The following GABRB1 variants were observed in gnomAD, a reference collection of about 807,000 sequenced individuals.
GABRB1 encodes the protein gamma-aminobutyric acid receptor subunit beta-1.
GABRB1 carries 17 observed loss-of-function variants against 51.6 expected under a neutral mutation model. The ratio of observed to expected loss-of-function variants is 0.33; its 90% confidence interval spans 0.23 to 0.49. GABRB1 has a LOEUF of 0.49. GABRB1 is among the 20% of genes least tolerant of loss of function. The pLI, the probability that GABRB1 is intolerant of heterozygous loss-of-function variation, is 0.99. For synonymous variants in GABRB1, 247 were observed against 218.9 expected (o/e 1.13, Z -1.14); for missense variants, 410 against 600.6 (o/e 0.68, Z 3.32).
intron 4 of GABRB1, among the ~76,000 whole-genome samples, chr4:47,205,547 T>C (rs1720080802): frequency 6.6e-6 from 1 of 152,188 alleles, no homozygotes; most frequent in South Asian, 2.1e-4. Flanking sequence ...TTTATGTGAC[T>C]GTATGTTCTG....
chr4:47,134,930 A>G (rs1262416761), intron 3 of GABRB1, among the ~76,000 whole-genome samples: 6 of 152,316 alleles, frequency 3.9e-5, no homozygotes, highest in African/African-American at 1.4e-4. Context: ...CAGCCTGGGC[A>G]ACATAGTGAG....
chr4:47,235,056 C>T (rs1578021474), intron 4 of GABRB1, among the ~76,000 whole-genome samples: 1 of 152,242 alleles, frequency 6.6e-6, no homozygotes. Flanking sequence ...TTAAAATGCT[C>T]CCCACTTATA....
At chr4:47,258,938 T>C (rs1206757796) in intron 4 of GABRB1, among the ~76,000 whole-genome samples, 1 of 152,186 alleles carries the variant, frequency 6.6e-6, no homozygotes, top group East Asian at 1.9e-4. Flanking sequence ...TAAAATTTCC[T>C]AGTTCTCATA....
At chr4:47,143,779 C>T (rs936682687) in intron 3 of GABRB1, among the ~76,000 whole-genome samples, 8 of 151,826 alleles carry the variant, frequency 5.3e-5, no homozygotes, top group African/African-American at 1.7e-4. Flanking sequence ...CAGCTCACAC[C>T]TGTTGAAATG....
chr4:47,203,905 GAAAATGAAAGC>G (rs1294037418), intron 4 of GABRB1, among the ~76,000 whole-genome samples: 1 of 152,104 alleles, frequency 6.6e-6, no homozygotes, highest in Non-Finnish European at 1.5e-5. Context: ...CTGGGGTTGA[GAAAATGAAAGC>G]AAAATCCTCA....
At chr4:47,420,178 T>C (rs541386667) in intron 8 of GABRB1, among the ~76,000 whole-genome samples, 2 of 152,310 alleles carry the variant, frequency 1.3e-5, no homozygotes, top group Admixed American at 1.3e-4. Flanking sequence ...CAGATTCCTA[T>C]CTGCACTGCA....
In GABRB1 at chr4:47,264,378, T is replaced by C. The variant is rs1267488387; in HGVS notation, c.462-55749T>C. On this transcript the variant is annotated intron_variant, in intron 4 of 8. Transcript: ENST00000295454. ...CTCATGGCCCTATGTTATGGGGCAA[T>C]GGTGAAGCACCAAAGAGAAAGCAAG... Among the ~76,000 whole-genome samples the C allele has an allele frequency of 2.0e-5, 3 of 152,188 alleles. No homozygotes were observed. In the East Asian group the frequency reaches 5.8e-4, roughly 29 times the overall value.
chr4:47,353,083 C>T (rs1262511088), intron 5 of GABRB1, among the ~76,000 whole-genome samples: 1 of 152,126 alleles, frequency 6.6e-6, no homozygotes, highest in Admixed American at 6.5e-5. Flanking sequence ...GATGCAAAAG[C>T]AGAAACCTCT....
chr4:47,038,368 C>T (rs1157860142), intron 3 of GABRB1, among the ~76,000 whole-genome samples: 1 of 152,152 alleles, frequency 6.6e-6, no homozygotes, highest in East Asian at 1.9e-4. Flanking sequence ...CAATGATCTT[C>T]AAAATGAAAC....
At chr4:47,037,604 T>C (rs891696902) in intron 3 of GABRB1, among the ~76,000 whole-genome samples, 1 of 151,844 alleles carries the variant, frequency 6.6e-6, no homozygotes, top group African/African-American at 2.4e-5. Flanking sequence ...CTATCTAGAT[T>C]GTTTTAAAGT....
chr4:47,154,761 G>C (rs1369020531), intron 3 of GABRB1, among the ~76,000 whole-genome samples: 1 of 152,070 alleles, frequency 6.6e-6, no homozygotes, highest in African/African-American at 2.4e-5. Context: ...AGAAACAGAA[G>C]TAGACAGTCT....
At chr4:47,376,636 G>A (rs1250879740) in intron 5 of GABRB1, among the ~76,000 whole-genome samples, 1 of 152,170 alleles carries the variant, frequency 6.6e-6, no homozygotes, top group African/African-American at 2.4e-5. Flanking sequence ...GACTGAGCGA[G>A]ACTCCGTCTT....
At chr4:47,404,832 A>C (rs1249971088) in intron 7 of GABRB1, among the ~76,000 whole-genome samples, 1 of 152,226 alleles carries the variant, frequency 6.6e-6, no homozygotes, top group Non-Finnish European at 1.5e-5. Context: ...ACAGTGGATG[A>C]TGTCCACAGC....
intron 4 of GABRB1, among the ~76,000 whole-genome samples, chr4:47,184,422 G>A (rs1054057398): frequency 1.3e-5 from 2 of 151,986 alleles, no homozygotes; most frequent in Middle Eastern, 3.4e-3. Flanking sequence ...ATAAATGGAA[G>A]GACGGGGAAA....
chr4:47,361,858 T>A (rs1726817578), intron 5 of GABRB1, among the ~76,000 whole-genome samples: 1 of 152,110 alleles, frequency 6.6e-6, no homozygotes, highest in Non-Finnish European at 1.5e-5. Context: ...CTTTAAGTCA[T>A]CAACTGGGGT....
chr4:47,259,984 G>A lies in GABRB1; in HGVS notation c.462-60143G>A, dbSNP rs867569482. ...CTAAGTCTCTTTGTAGGTCACTAAG[G>A]ACTTGCTTTATGAATCTGATGCTCC... On this transcript the variant is annotated intron_variant, in intron 4 of 8. Transcript: ENST00000295454. Among the ~76,000 whole-genome samples the A allele has an allele frequency of 4.9e-5, 5 of 101,022 alleles. No homozygotes were observed. The Middle Eastern group carries it at 0.014, about 283-fold the overall frequency. The allele number at this position is 101,022 out of a possible 152,430, so 66.3% of individuals were successfully genotyped here.
chr4:47,426,432 AAAAAAAAAAAAAAAACAT>A (rs1729301881), exon 9 of GABRB1: 1 of 143,404 alleles, frequency 7.0e-6, no homozygotes, highest in African/African-American at 2.9e-5. Context: ...TGCTGCCAAA[AAAAAAAAAAAAAAAACAT>A]AAAAAAAAAC....
chr4:47,370,350 G>A lies in GABRB1; in HGVS notation c.545-32968G>A, dbSNP rs189958504. Among the ~76,000 whole-genome samples the A allele has an allele frequency of 1.5e-3, 232 of 152,248 alleles. 1 individual carries two copies. The highest frequency in any genetic ancestry group is 5.3e-3 in the African/African-American group (222 of 41,556). On this transcript the variant is annotated intron_variant, in intron 5 of 8. Coordinates refer to ENST00000295454, the MANE Select transcript of GABRB1 (RefSeq NM_000812.4). The stretch of plus-strand genomic sequence containing the variant: ...AAAAATACAAAAATTAGCTGGGCAT[G>A]GTGCCAGGCACCTGTAGTCCCAGCT...
rs1220773103 is a variant in GABRB1, at chr4:47,224,187, G to GCAAAGAACCCTTCCACATTGTA, written c.461+62718_461+62719insCAAAGAACCCTTCCACATTGTA. 7.7e-3 allele frequency among the ~76,000 whole-genome samples: 1,169 copies of GCAAAGAACCCTTCCACATTGTA among 151,970 alleles called. 12 individuals carry two copies. The highest frequency in any genetic ancestry group is 9.4e-3 in the Non-Finnish European group (639 of 67,956). On this transcript the variant is annotated intron_variant, in intron 4 of 8. Transcript: ENST00000295454. ...TCTCAAGCTCCCTCTCAAGCTGTGT[G>GCAAAGAACCCTTCCACATTGTA]TTCCAACTGCAAAGAACCCTTCCAC...
Sources: gnomAD v4.1 joint callset for allele counts (sites outside exome capture counted in the v4.1 genomes callset) on GRCh38, gnomAD v4.1.1 for gene constraint, MANE v1.5 for transcripts, NCBI Gene and HGNC (gene_info 2026-07-23, HGNC 2026-07-21) for gene names.